The following GALNTL6 variants were observed in gnomAD, a reference collection of about 807,000 sequenced individuals.
GALNTL6 encodes the protein polypeptide N-acetylgalactosaminyltransferase-like 6.
In GALNTL6, 46 loss-of-function variants were observed where a neutral mutation model predicts 73.7. The ratio of observed to expected loss-of-function variants is 0.62; its 90% CI spans 0.49 to 0.80. The LOEUF (loss-of-function observed/expected upper bound fraction) is 0.80, where lower values mean the gene tolerates loss of function less well. Among genes scored for constraint, GALNTL6 ranks in the 30% least tolerant of loss-of-function variants. The pLI is 0.00. For missense variants in GALNTL6, 604 were observed against 755.0 expected (o/e 0.80, Z 2.34); for synonymous variants, 259 against 263.7 (o/e 0.98, Z 0.17).
intron 4 of GALNTL6, among the ~76,000 whole-genome samples, chr4:172,335,742 C>T (rs538302106): frequency 1.3e-5 from 2 of 152,126 alleles, no homozygotes; most frequent in East Asian, 1.9e-4. Context: ...TAGATGTGGT[C>T]GTATTAGTCT....
chr4:171,993,208 A>AG lies in GALNTL6; in HGVS notation c.138+178491dup, dbSNP rs1740390860. 4.3e-5 allele frequency among the ~76,000 whole-genome samples: 6 copies of AG among 139,914 alleles called. No individual in the cohort carries two copies. The Admixed American group carries it at 4.3e-4, about 10-fold the overall frequency. The allele number at this position is 139,914 out of a possible 152,430, so 91.8% of individuals were successfully genotyped here. A position where few individuals can be genotyped will look rare whatever the true frequency, so the allele number is the denominator to read the frequency against. On this transcript the variant is annotated intron_variant, in intron 2 of 12. Transcript: ENST00000506823. ...ATGAGAGTCAGAATAAGTATATATAAGAGAAAAATAGTTCATATGTTGTCA... is the reference window on the plus strand; with the variant it reads ...ATGAGAGTCAGAATAAGTATATATAAGGAGAAAAATAGTTCATATGTTGTCA...
intron 5 of GALNTL6, among the ~76,000 whole-genome samples, chr4:172,761,697 T>TCTCTCTCTCTC (rs1738115798): frequency 4.2e-5 from 3 of 71,914 alleles, no homozygotes; most frequent in Non-Finnish European, 6.2e-5. Flanking sequence ...CTCTCTCTCT[T>TCTCTCTCTCTC]TCTCTCTCTC....
At chr4:171,862,417 T>A (rs190906439) in intron 2 of GALNTL6, among the ~76,000 whole-genome samples, 1 of 152,222 alleles carries the variant, frequency 6.6e-6, no homozygotes, top group African/African-American at 2.4e-5. Flanking sequence ...CATGTATTAA[T>A]GAAATTTATT....
At chr4:172,491,091 A>G (rs1021627028) in intron 5 of GALNTL6, among the ~76,000 whole-genome samples, 6 of 152,276 alleles carry the variant, frequency 3.9e-5, no homozygotes, top group Non-Finnish European at 8.8e-5. Flanking sequence ...GGCATTTTAC[A>G]TGTGAGAAAA....
intron 2 of GALNTL6, among the ~76,000 whole-genome samples, chr4:171,924,268 A>G (rs1737904186): frequency 1.3e-5 from 2 of 152,046 alleles, no homozygotes; most frequent in South Asian, 4.1e-4. Context: ...AAAAATAAAT[A>G]AATCAGGGAA....
At chr4:172,500,147 A>G (rs913416047) in intron 5 of GALNTL6, among the ~76,000 whole-genome samples, 4 of 152,220 alleles carry the variant, frequency 2.6e-5, no homozygotes, top group Non-Finnish European at 4.4e-5. Flanking sequence ...TAAGCCAGGC[A>G]TGGTGGCTCA....
At chr4:172,481,049 C>T (rs1733443627) in intron 5 of GALNTL6, among the ~76,000 whole-genome samples, 1 of 152,164 alleles carries the variant, frequency 6.6e-6, no homozygotes, top group Admixed American at 6.5e-5. Context: ...AAGCCGTGGA[C>T]TATCGCGGTG....
chr4:171,900,113 TC>T (rs1737036766), intron 2 of GALNTL6, among the ~76,000 whole-genome samples: 2 of 152,152 alleles, frequency 1.3e-5, no homozygotes, highest in South Asian at 4.1e-4. Context: ...AATATTTTCT[TC>T]CTCTAAACAG....
At chr4:172,429,796 T>A (rs775206958) in intron 5 of GALNTL6, among the ~76,000 whole-genome samples, 5 of 152,130 alleles carry the variant, frequency 3.3e-5, no homozygotes, top group Non-Finnish European at 5.9e-5. Flanking sequence ...AATAGTATAA[T>A]CTATAGTAAT....
At chr4:171,950,757 T>A (rs960190277) in intron 2 of GALNTL6, among the ~76,000 whole-genome samples, 1 of 152,070 alleles carries the variant, frequency 6.6e-6, no homozygotes, top group Non-Finnish European at 1.5e-5. Context: ...GGATTACATG[T>A]GTGAGCCACA....
At chr4:172,957,669 T>G (rs1191818540) in intron 10 of GALNTL6, among the ~76,000 whole-genome samples, 1 of 152,130 alleles carries the variant, frequency 6.6e-6, no homozygotes, top group Non-Finnish European at 1.5e-5. Flanking sequence ...AGAGGACACT[T>G]GTGTAGTGAG....
chr4:172,264,063 G>T (rs759163546), intron 3 of GALNTL6, among the ~76,000 whole-genome samples: 6 of 151,390 alleles, frequency 4.0e-5, no homozygotes, highest in Non-Finnish European at 7.4e-5. Context: ...CAGCTGGGGG[G>T]GTGTGGATTT....
At chr4:172,635,035 T>C (rs529268027) in intron 5 of GALNTL6, among the ~76,000 whole-genome samples, 1 of 152,300 alleles carries the variant, frequency 6.6e-6, no homozygotes, top group East Asian at 1.9e-4. Flanking sequence ...TGTGTCATAA[T>C]TGAGGACTGC....
chr4:172,540,038 G>GCTTT lies in GALNTL6; in HGVS notation c.553+191362_553+191365dup, dbSNP rs1326521700. Among the ~76,000 whole-genome samples, 3 of 147,656 alleles carry GCTTT rather than the reference G, an allele frequency of 2.0e-5. No individual in the cohort carries two copies. In the East Asian group the frequency reaches 5.9e-4, roughly 29 times the overall value. On this transcript the variant is annotated intron_variant, in intron 5 of 12. Coordinates refer to ENST00000506823, the MANE Select transcript of GALNTL6 (RefSeq NM_001034845.3). ...AGGTCATACAGCTAGCAGTGACAGA[G>GCTTT]CTTTCTTTCTTTCTTTTTTTTTTTT...
chr4:171,891,423 G>A (rs1011911226), intron 2 of GALNTL6, among the ~76,000 whole-genome samples: 5 of 152,052 alleles, frequency 3.3e-5, no homozygotes, highest in Non-Finnish European at 7.4e-5. Flanking sequence ...ACTTAATTAA[G>A]CATTTTAAAA....
intron 5 of GALNTL6, among the ~76,000 whole-genome samples, chr4:172,620,027 A>T (rs75812517): frequency 0.015 from 2,240 of 152,294 alleles, 59 homozygotes; most frequent in African/African-American, 0.05. Flanking sequence ...TCATTATGAC[A>T]TGCACTATTT....
chr4:172,339,041 C>T (rs1209781790), intron 4 of GALNTL6, among the ~76,000 whole-genome samples: 1 of 152,122 alleles, frequency 6.6e-6, no homozygotes, highest in African/African-American at 2.4e-5. Context: ...TGAGTGAGTG[C>T]TCTGAATGCC....
In GALNTL6 at chr4:172,402,670, A is replaced by G. The variant is rs888597518; in HGVS notation, c.553+53981A>G. 4.6e-5 allele frequency among the ~76,000 whole-genome samples: 7 copies of G among 151,818 alleles called. No individual in the cohort carries two copies. In the East Asian group the frequency reaches 1.2e-3, roughly 25 times the overall value. ...GAAGATTTTTTGGACGAATCTTGTGAAAAAAAAGCACTTCTCCTTAACACG... is the reference window on the plus strand; with the variant it reads ...GAAGATTTTTTGGACGAATCTTGTGGAAAAAAAGCACTTCTCCTTAACACG... On this transcript the variant is annotated intron_variant, in intron 5 of 12. Coordinates refer to ENST00000506823, the MANE Select transcript of GALNTL6 (RefSeq NM_001034845.3).
chr4:172,769,395 A>C (rs1018487099), intron 5 of GALNTL6, among the ~76,000 whole-genome samples: 3 of 152,244 alleles, frequency 2.0e-5, no homozygotes, highest in African/African-American at 7.2e-5. Flanking sequence ...TGGCAATTGC[A>C]AAATATAGAA....
Sources: gnomAD v4.1 joint callset for allele counts (sites outside exome capture counted in the v4.1 genomes callset) on GRCh38, gnomAD v4.1.1 for gene constraint, MANE v1.5 for transcripts, NCBI Gene and HGNC (gene_info 2026-07-23, HGNC 2026-07-21) for gene names.